MALRD1: variants seen among roughly 807,000 people sequenced by gnomAD.
MALRD1 encodes MAM and LDL-receptor class A domain-containing protein 1.
A neutral mutation model predicts 242.1 loss-of-function variants in MALRD1; 247 were observed. That is an observed-to-expected ratio of 1.02 (90% CI 0.92 to 1.13). MALRD1 has a LOEUF of 1.13. Ranked by LOEUF, MALRD1 falls within the 50% of genes most tolerant of loss-of-function variation. The probability of loss-of-function intolerance (pLI) is 0.00; values close to 1 mark genes in which losing one functional copy is unlikely to be tolerated. For synonymous variants in MALRD1, 995 were observed against 866.6 expected (o/e 1.15, Z -2.60); for missense variants, 2,989 against 2,533.1 (o/e 1.18, Z -3.86).
intron 11 of MALRD1, among the ~76,000 whole-genome samples, chr10:19,152,123 G>T (rs1261691814): frequency 6.6e-6 from 1 of 152,136 alleles, no homozygotes; most frequent in African/African-American, 2.4e-5. Flanking sequence ...CCACTCTGGG[G>T]TATGTGGGTG....
chr10:19,050,366 C>T (rs1406273510), intron 1 of MALRD1, among the ~76,000 whole-genome samples: 3 of 151,368 alleles, frequency 2.0e-5, no homozygotes, highest in African/African-American at 7.3e-5. Context: ...GGATTACAGG[C>T]GTGAGCCACC....
intron 21 of MALRD1, among the ~76,000 whole-genome samples, chr10:19,323,183 A>C (rs1842975493): frequency 6.6e-6 from 1 of 152,138 alleles, no homozygotes; most frequent in Non-Finnish European, 1.5e-5. Flanking sequence ...AGAGAGAGTA[A>C]ATTTGAATGG....
chr10:19,125,310 CTTCCTTCCTTCCTTCTTTCT>C (rs1306799410), intron 7 of MALRD1, among the ~76,000 whole-genome samples: 86 of 71,470 alleles, frequency 1.2e-3, no homozygotes, highest in African/African-American at 5.1e-3. Flanking sequence ...TCCTTCCTTC[CTTCCTTCCTTCCTTCTTTCT>C]TTCTTTCTTT....
At chr10:19,306,029 AC>A (rs1842162826) in intron 21 of MALRD1, among the ~76,000 whole-genome samples, 3 of 110,152 alleles carry the variant, frequency 2.7e-5, no homozygotes, top group Admixed American at 2.2e-4. Context: ...TATATACTAT[AC>A]TATATATTAT....
chr10:19,623,365 G>C (rs932196317), intron 36 of MALRD1, among the ~76,000 whole-genome samples: 3 of 152,164 alleles, frequency 2.0e-5, no homozygotes, highest in South Asian at 2.1e-4. Context: ...AAAATATAGA[G>C]AATGATGCTG....
intron 36 of MALRD1, among the ~76,000 whole-genome samples, chr10:19,677,810 T>A (rs1446449785): frequency 6.6e-6 from 1 of 152,230 alleles, no homozygotes; most frequent in South Asian, 2.1e-4. Flanking sequence ...GGTTTTACAT[T>A]TAAGTCTTTA....
chr10:19,636,389 G>A (rs1173594759), intron 36 of MALRD1, among the ~76,000 whole-genome samples: 2 of 152,178 alleles, frequency 1.3e-5, no homozygotes, highest in East Asian at 1.9e-4. Flanking sequence ...AAGAGAACAT[G>A]AAGATAAACA....
At chr10:19,630,669 A>G (rs1163617051) in intron 36 of MALRD1, among the ~76,000 whole-genome samples, 2 of 152,140 alleles carry the variant, frequency 1.3e-5, no homozygotes, top group East Asian at 1.9e-4. Context: ...GTTATGATGT[A>G]TTGTCTTTTG....
chr10:19,332,313 T>TA (rs938468834), intron 24 of MALRD1, among the ~76,000 whole-genome samples: 5 of 151,650 alleles, frequency 3.3e-5, no homozygotes, highest in African/African-American at 7.3e-5. Flanking sequence ...GATAGGTTGT[T>TA]AAAAAAAATC....
At chr10:19,602,946 GTGA>G (rs1422191648) in intron 34 of MALRD1, among the ~76,000 whole-genome samples, 1 of 152,168 alleles carries the variant, frequency 6.6e-6, no homozygotes, top group African/African-American at 2.4e-5. Context: ...CTGATGGCCA[GTGA>G]TGATGAGCAT....
chr10:19,512,617 T>A (rs1833455885), intron 31 of MALRD1, among the ~76,000 whole-genome samples: 1 of 152,182 alleles, frequency 6.6e-6, no homozygotes, highest in Non-Finnish European at 1.5e-5. Flanking sequence ...AGCTTCTGTC[T>A]AACCAGGAAA....
At chr10:19,267,662 C>T (rs1199902324) in intron 19 of MALRD1, among the ~76,000 whole-genome samples, 2 of 152,052 alleles carry the variant, frequency 1.3e-5, no homozygotes, top group African/African-American at 2.4e-5. Flanking sequence ...CGCTGTTTGG[C>T]GTATTCATTA....
chr10:19,703,791 G>C (rs893316843), intron 38 of MALRD1, among the ~76,000 whole-genome samples: 4 of 151,992 alleles, frequency 2.6e-5, no homozygotes, highest in African/African-American at 9.7e-5. Flanking sequence ...GCTACTCAGA[G>C]GGCTGAGGCA....
intron 1 of MALRD1, among the ~76,000 whole-genome samples, chr10:19,050,346 CA>C (rs1375212621): frequency 3.3e-5 from 5 of 151,518 alleles, no homozygotes; most frequent in Non-Finnish European, 5.9e-5. Flanking sequence ...CTCGGCCTCC[CA>C]AAGTGCTGGG....
chr10:19,333,047 G>A (rs902711153), intron 24 of MALRD1, among the ~76,000 whole-genome samples: 4 of 151,752 alleles, frequency 2.6e-5, no homozygotes, highest in African/African-American at 7.3e-5. Flanking sequence ...GGTGTATGAT[G>A]TTCCCCTCCC....
chr10:19,305,824 CTATA>C (rs1377933752), intron 21 of MALRD1, among the ~76,000 whole-genome samples: 1 of 134,170 alleles, frequency 7.5e-6, no homozygotes. Context: ...TATGTATATA[CTATA>C]TATACTATAT....
chr10:19,084,154 A>G (rs985390165), intron 2 of MALRD1, among the ~76,000 whole-genome samples: 11 of 152,094 alleles, frequency 7.2e-5, no homozygotes, highest in South Asian at 6.2e-4. Context: ...TTTAGCAAAT[A>G]TTACCTGGTT....
intron 36 of MALRD1, among the ~76,000 whole-genome samples, chr10:19,689,108 T>A (rs1021574417): frequency 6.6e-6 from 1 of 152,214 alleles, no homozygotes; most frequent in Non-Finnish European, 1.5e-5. Flanking sequence ...GTGACAGTTA[T>A]TTGTACAGAC....
chr10:19,430,492 T>A (rs138824738), intron 28 of MALRD1, among the ~76,000 whole-genome samples: 26 of 152,218 alleles, frequency 1.7e-4, no homozygotes, highest in African/African-American at 5.5e-4. Context: ...CACTTTATAT[T>A]ACACCTTGCT....
Sources: allele counts gnomAD v4.1 joint callset (sites outside exome capture counted in the v4.1 genomes callset), GRCh38; gene constraint gnomAD v4.1.1; transcripts MANE v1.5; gene names NCBI Gene and HGNC (gene_info 2026-07-23, HGNC 2026-07-21).